YEATS4: variants seen among roughly 807,000 people sequenced by gnomAD.
YEATS4 encodes YEATS domain containing 4, also known as YEATS domain-containing protein 4.
In YEATS4, 17 loss-of-function variants were observed where a neutral mutation model predicts 30.1. The ratio of observed to expected loss-of-function variants is 0.56; its 90% CI spans 0.39 to 0.85. The LOEUF is 0.85. Ranked by LOEUF, YEATS4 falls within the 40% of genes least tolerant of loss-of-function variation. YEATS4 has a pLI of 0.00. For missense variants in YEATS4, 142 were observed against 268.3 expected (o/e 0.53, Z 3.29); for synonymous variants, 85 against 87.5 (o/e 0.97, Z 0.16).
chr12:69,375,112 G>A (rs1479572179), intron 6 of YEATS4, among the ~76,000 whole-genome samples: 6 of 151,570 alleles, frequency 4.0e-5, no homozygotes, highest in Middle Eastern at 3.5e-3. Context: ...CTGACGGGGT[G>A]GCTGCTGGGC....
At position 69,390,494 on chromosome 12, in the gene YEATS4, A is replaced by ATG; in HGVS notation, c.*184_*185dup. On this transcript the variant is annotated 3_prime_UTR_variant, in exon 7 of 7. Transcript: ENST00000247843. ...ATTTAAGCAATCTTTAATGGAAAAT[A>ATG]TGTGTGTAAGAATGGATGCTATATA... The ATG allele has an allele frequency of 2.0e-6, 1 of 497,020 alleles. No homozygotes were observed. Among genetic ancestry groups the ATG allele is most frequent in the East Asian group, 3.8e-5 (1 of 26,130 alleles). The allele number at this position is 497,020 out of a possible 1,614,324, so 30.8% of individuals were successfully genotyped here. A position where few individuals can be genotyped will look rare whatever the true frequency, so the allele number is the denominator to read the frequency against.
chr12:69,368,773 A>G (rs1875532041), intron 4 of YEATS4, among the ~76,000 whole-genome samples: 1 of 152,054 alleles, frequency 6.6e-6, no homozygotes, highest in Non-Finnish European at 1.5e-5. Flanking sequence ...TATCTCTAAT[A>G]TCTTCCTCCA....
chr12:69,363,788 A>G (rs928397836), intron 2 of YEATS4, among the ~76,000 whole-genome samples: 51 of 152,354 alleles, frequency 3.3e-4, no homozygotes, highest in African/African-American at 1.2e-3. Context: ...AATAGCCAAA[A>G]AGTGGAAACA....
At chr12:69,388,555 A>G (rs1418038454) in intron 6 of YEATS4, among the ~76,000 whole-genome samples, 2 of 152,236 alleles carry the variant, frequency 1.3e-5, no homozygotes, top group African/African-American at 4.8e-5. Context: ...GCAGTTACCA[A>G]AAATGTCCAC....
At chr12:69,421,139 T>C in the YEATS4 span, among the ~76,000 whole-genome samples, 1 of 152,154 alleles carries the variant, frequency 6.6e-6, no homozygotes, top group Non-Finnish European at 1.5e-5. Flanking sequence ...ATTACATCTG[T>C]GAGCCACAGC....
intron 6 of YEATS4, among the ~76,000 whole-genome samples, chr12:69,375,573 G>A (rs1477560801): frequency 6.6e-6 from 1 of 152,196 alleles, no homozygotes; most frequent in Admixed American, 6.5e-5. Flanking sequence ...GGAGGTTGTA[G>A]CGAGCAGAGA....
intron 2 of YEATS4, among the ~76,000 whole-genome samples, chr12:69,364,573 A>G (rs993985631): frequency 5.3e-5 from 8 of 152,276 alleles, no homozygotes; most frequent in East Asian, 3.9e-4. Flanking sequence ...TTTGTATTCA[A>G]CAATCTTAGA....
intron 4 of YEATS4, among the ~76,000 whole-genome samples, chr12:69,367,747 C>G (rs1779001516): frequency 6.6e-6 from 1 of 152,076 alleles, no homozygotes; most frequent in Admixed American, 6.6e-5. Context: ...AGACACTGAC[C>G]TTAATGAGAA....
In YEATS4 at chr12:69,362,491, C is replaced by T. The variant is rs140138390; in HGVS notation, c.52-297C>T. Among the ~76,000 whole-genome samples, 746 of 152,292 alleles carry T rather than the reference C, an allele frequency of 4.9e-3. 4 individuals are homozygous for T. Among genetic ancestry groups the T allele is most frequent in the African/African-American group, 0.017 (716 of 41,552 alleles). On this transcript the variant is annotated intron_variant, in intron 1 of 6. Coordinates refer to ENST00000247843, the MANE Select transcript of YEATS4 (RefSeq NM_006530.4). ...GAATTGGCCATTTTTATTTCAATGC[C>T]TAGCTTTCAGGTGTTTAAGAAAAGG...
the YEATS4 span, among the ~76,000 whole-genome samples, chr12:69,417,262 A>T: frequency 7.0e-6 from 1 of 143,282 alleles, no homozygotes; most frequent in Non-Finnish European, 1.5e-5. Context: ...GGTTCAAGTG[A>T]TCCTCCTGCC....
chr12:69,419,136 T>C, the YEATS4 span, among the ~76,000 whole-genome samples: 1 of 150,338 alleles, frequency 6.7e-6, no homozygotes, highest in African/African-American at 2.4e-5. Flanking sequence ...GAGGCCTCAC[T>C]TTCCTGTTCT....
At chr12:69,410,089 G>T in the YEATS4 span, among the ~76,000 whole-genome samples, 19 of 152,116 alleles carry the variant, frequency 1.2e-4, no homozygotes, top group Admixed American at 1.2e-3. Flanking sequence ...CTATATTATG[G>T]CAGCCCTAGC....
At chr12:69,409,810 T>C in the YEATS4 span, among the ~76,000 whole-genome samples, 1 of 109,454 alleles carries the variant, frequency 9.1e-6, no homozygotes, top group African/African-American at 3.7e-5. Flanking sequence ...TATATGTAAT[T>C]AAAATTAGGT....
intron 1 of YEATS4, among the ~76,000 whole-genome samples, chr12:69,362,369 C>T (rs949284885): frequency 6.6e-6 from 1 of 152,104 alleles, no homozygotes; most frequent in African/African-American, 2.4e-5. Context: ...GACCTTTATT[C>T]TACCTCTCAC....
At chr12:69,419,406 G>A in the YEATS4 span, among the ~76,000 whole-genome samples, 1 of 151,704 alleles carries the variant, frequency 6.6e-6, no homozygotes, top group African/African-American at 2.4e-5. Flanking sequence ...ATTTTTTGTA[G>A]AAACGGGGTC....
downstream of YEATS4, among the ~76,000 whole-genome samples, chr12:69,395,559 T>G (rs559826356): frequency 3.7e-3 from 239 of 63,840 alleles, 2 homozygotes; most frequent in African/African-American, 0.023. Flanking sequence ...AGGAAGAATT[T>G]TAGGGACTAA....
the YEATS4 span, among the ~76,000 whole-genome samples, chr12:69,408,962 G>A: frequency 6.6e-6 from 1 of 152,154 alleles, no homozygotes; most frequent in Non-Finnish European, 1.5e-5. Context: ...TTCAGATTCT[G>A]TGAACTTGAG....
the YEATS4 span, among the ~76,000 whole-genome samples, chr12:69,423,612 G>A: frequency 6.6e-6 from 1 of 152,192 alleles, no homozygotes; most frequent in Non-Finnish European, 1.5e-5. Context: ...AGGGGGTGAA[G>A]TTGAAGAGCT....
chr12:69,383,431 G>GTAT (rs1876156205), intron 6 of YEATS4, among the ~76,000 whole-genome samples: 1 of 152,140 alleles, frequency 6.6e-6, no homozygotes, highest in African/African-American at 2.4e-5. Flanking sequence ...AGACCAAATG[G>GTAT]TATCATCAAA....
Sources: allele counts gnomAD v4.1 joint callset (sites outside exome capture counted in the v4.1 genomes callset), GRCh38; gene constraint gnomAD v4.1.1; transcripts MANE v1.5; gene names NCBI Gene and HGNC (gene_info 2026-07-23, HGNC 2026-07-21).